Variants in SEC14L5 observed in about 807,000 individuals in gnomAD.
The protein encoded by SEC14L5 is SEC14-like protein 5.
SEC14L5 carries 96 observed loss-of-function variants against 84.6 expected under a neutral mutation model. The observed-to-expected ratio is 1.13, with a 90% CI of 0.96 to 1.34. The LOEUF is 1.34. Ranked by LOEUF, SEC14L5 falls within the 40% of genes most tolerant of loss-of-function variation. SEC14L5 has a pLI of 0.00. For synonymous variants in SEC14L5, 546 were observed against 383.4 expected (o/e 1.42, Z -4.95); for missense variants, 1,224 against 942.5 (o/e 1.30, Z -3.91).
chr16:4,959,825 C>T (rs1955097281), intron 2 of SEC14L5, among the ~76,000 whole-genome samples: 1 of 152,262 alleles, frequency 6.6e-6, no homozygotes, highest in Non-Finnish European at 1.5e-5. Context: ...CATGTAACCT[C>T]CATGAAACTG....
chr16:4,969,016 T>A (rs1051805872), intron 2 of SEC14L5, among the ~76,000 whole-genome samples: 1 of 152,252 alleles, frequency 6.6e-6, no homozygotes, highest in Admixed American at 6.5e-5. Flanking sequence ...ACGGAGGTAG[T>A]TTTAACAAAG....
intron 2 of SEC14L5, among the ~76,000 whole-genome samples, chr16:4,963,037 T>C (rs1955146059): frequency 1.3e-5 from 2 of 152,186 alleles, no homozygotes; most frequent in African/African-American, 4.8e-5. Flanking sequence ...TTTCACTGCA[T>C]CCGAGTGACC....
At position 5,008,558 on chromosome 16, in the gene SEC14L5, C is replaced by G. The variant is rs200042173; in HGVS notation, c.1710C>G (p.Ser570Arg). The change falls in exon 14 of 16, where the codon AGC becomes AGG. Residue 570 changes from serine to arginine, a missense_variant. Physicochemically the swap from Ser to Arg is moderately radical, Grantham distance 110. Coordinates refer to ENST00000251170, the MANE Select transcript of SEC14L5 (RefSeq NM_014692.2). ...CCCGGGAACCGGGGACCAGGGCCAG[C>G]GGGCAGCTGATCGACAAAGGCTGGG... ...LGAREPGTRASGQLIDKGWVL... is the reference protein window; with the variant it reads ...LGAREPGTRARGQLIDKGWVL... 1.4e-4 allele frequency: 228 copies of G among 1,608,258 alleles called. 1 individual carries two copies. The highest frequency in any genetic ancestry group is 1.3e-3 in the Middle Eastern group (8 of 5,970).
intron 10 of SEC14L5, among the ~76,000 whole-genome samples, chr16:5,001,470 A>C (rs1386543518): frequency 2.0e-5 from 3 of 152,088 alleles, no homozygotes; most frequent in Non-Finnish European, 4.4e-5. Context: ...TGTGTTAGCC[A>C]GAATGGTCTC....
chr16:5,014,527 C>A (rs1955848196), intron 15 of SEC14L5, among the ~76,000 whole-genome samples: 1 of 152,196 alleles, frequency 6.6e-6, no homozygotes, highest in Admixed American at 6.5e-5. Flanking sequence ...GGAGGAGGAC[C>A]ATGGAATTTG....
intron 2 of SEC14L5, among the ~76,000 whole-genome samples, chr16:4,968,464 C>T (rs1227768146): frequency 2.6e-5 from 4 of 152,204 alleles, no homozygotes; most frequent in Non-Finnish European, 4.4e-5. Context: ...CAGGCGTGGG[C>T]CACGGCGCCC....
intron 2 of SEC14L5, among the ~76,000 whole-genome samples, chr16:4,963,950 G>C (rs2142471041): frequency 6.6e-6 from 1 of 152,376 alleles, no homozygotes; most frequent in South Asian, 2.1e-4. Context: ...GCCTCCCAAA[G>C]GGCTGGGATT....
At position 5,018,755 on chromosome 16, in the gene SEC14L5, T is replaced by C. The variant is rs371480869; in HGVS notation, c.*3785T>C. 1 of 152,178 alleles carries C rather than the reference T, an allele frequency of 6.6e-6. No individual in the cohort carries two copies. Among genetic ancestry groups the C allele is most frequent in the Non-Finnish European group, 1.5e-5 (1 of 68,040 alleles). The allele number at this position is 152,178 out of a possible 1,614,324, so 9.4% of individuals were successfully genotyped here. On this transcript the variant is annotated 3_prime_UTR_variant, in exon 16 of 16. Coordinates refer to ENST00000251170, the MANE Select transcript of SEC14L5 (RefSeq NM_014692.2). ...GGTATTTCCCTTGGCAGTTAGAAAA[T>C]GTTTTTTCCCAGAGGTTGAAGTATG...
rs767906101 is a variant in SEC14L5, at chr16:5,005,944, C to T, written c.1333C>T (p.Arg445Trp). 1.1e-5 allele frequency: 18 copies of T among 1,607,996 alleles called. No individual in the cohort carries two copies. Among genetic ancestry groups the T allele is most frequent in the East Asian group, 2.2e-5 (1 of 44,736 alleles). The change falls in exon 12 of 16, where the codon CGG (arginine) becomes TGG (tryptophan). Residue 445 changes from arginine to tryptophan, a missense_variant. Transcript: ENST00000251170. ...ISPFINENTR[R>W]KFLIYSGSNY... ...CCCCTTCATCAATGAGAACACCAGG[C>T]GGAAGTTCCTCATCTACAGTGGCAG...
Position 5,003,424 on chromosome 16 carries a change from C to G in SEC14L5, c.1153C>G (p.Leu385Val). The G allele has an allele frequency of 6.2e-7, 1 of 1,613,330 alleles. No individual in the cohort carries two copies. Among genetic ancestry groups the G allele is most frequent in the Non-Finnish European group, 8.5e-7 (1 of 1,179,774 alleles). ...CAGCTCCTGGACCTGCCTGCTAGAC[C>G]TGGAGGGACTCAACATGCGGCACCT... ...PISSWTCLLD[L>V]EGLNMRHLWR... Residue 385 changes from leucine (L) to valine (V), a missense_variant, in exon 11 of 16, where the codon CTG becomes GTG. Physicochemically the swap from Leu to Val is conservative, Grantham distance 32 (BLOSUM62 1). Transcript: ENST00000251170.
At chr16:4,970,165 A>G (rs555066460) in intron 2 of SEC14L5, among the ~76,000 whole-genome samples, 4 of 151,822 alleles carry the variant, frequency 2.6e-5, no homozygotes, top group African/African-American at 4.8e-5. Flanking sequence ...AGCATAGTCT[A>G]TTGGGGGAGG....
Position 5,015,224 on chromosome 16 carries a change from G to T in SEC14L5, c.*254G>T. The T allele has an allele frequency of 3.9e-6, 2 of 515,434 alleles. No homozygotes were observed. The highest frequency in any genetic ancestry group is 6.3e-5 in the East Asian group (2 of 31,684). 31.9% of individuals were successfully genotyped at this position (515,434 alleles called of 1,614,324 possible). A position where few individuals can be genotyped will look rare whatever the true frequency, so the allele number is the denominator to read the frequency against. On this transcript the variant is annotated 3_prime_UTR_variant, in exon 16 of 16. Coordinates refer to ENST00000251170, the MANE Select transcript of SEC14L5 (RefSeq NM_014692.2). ...TAAGGAAGACCAAGCCAAGGCCAAG[G>T]TGTCTACCATACCACACCTTTGGGA...
chr16:4,991,672 G>A (rs952623778), intron 5 of SEC14L5, among the ~76,000 whole-genome samples, 166 bp from the exon 6 acceptor site: 2 of 152,180 alleles, frequency 1.3e-5, no homozygotes, highest in Non-Finnish European at 2.9e-5. Flanking sequence ...GGTGGGTGTT[G>A]GACACTCGCA....
At chr16:4,975,362 A>G (rs1460897960) in intron 2 of SEC14L5, among the ~76,000 whole-genome samples, 1 of 149,054 alleles carries the variant, frequency 6.7e-6, no homozygotes, top group African/African-American at 2.5e-5. Flanking sequence ...AGTCCCAGCT[A>G]CTTGGGAGGC....
intron 4 of SEC14L5, among the ~76,000 whole-genome samples, chr16:4,989,300 T>G (rs1257613835): frequency 4.1e-5 from 5 of 123,138 alleles, no homozygotes; most frequent in Admixed American, 2.6e-4. Flanking sequence ...TTGTACGTGT[T>G]TTTTTTTTTG....
At chr16:4,991,347 G>C (rs1955551777) in intron 5 of SEC14L5, among the ~76,000 whole-genome samples, 1 of 151,888 alleles carries the variant, frequency 6.6e-6, no homozygotes. Flanking sequence ...GCCCAGTTGA[G>C]CCCAGGAATT....
At chr16:5,007,262 G>C in intron 12 of SEC14L5, 90 bp from the exon 13 acceptor site, 2 of 1,268,328 alleles carry the variant, frequency 1.6e-6, no homozygotes, top group East Asian at 4.8e-5. Context: ...ATTATGAGTG[G>C]CTTTGGGGGT....
chr16:4,994,696 T>C lies in SEC14L5; in HGVS notation c.668-1652T>C, dbSNP rs554983470. Among the ~76,000 whole-genome samples, 317 of 151,830 alleles carry C rather than the reference T, an allele frequency of 2.1e-3. 1 individual carries two copies. The highest frequency in any genetic ancestry group is 3.9e-3 in the Non-Finnish European group (262 of 67,940). ...TGTATGTGCACATTTTTTTTTTTTT[T>C]ATAACAGCGCCCGCTCCTGCCCCCT... On this transcript the variant is annotated intron_variant, in intron 6 of 15. Coordinates refer to ENST00000251170, the MANE Select transcript of SEC14L5 (RefSeq NM_014692.2).
At chr16:4,981,584 C>A (rs941560725) in intron 2 of SEC14L5, among the ~76,000 whole-genome samples, 1 of 152,084 alleles carries the variant, frequency 6.6e-6, no homozygotes, top group Non-Finnish European at 1.5e-5. Context: ...GACCGCTTGG[C>A]CCGGGGGGAC....
Sources: allele counts gnomAD v4.1 joint callset (sites outside exome capture counted in the v4.1 genomes callset), GRCh38; gene constraint gnomAD v4.1.1; transcripts MANE v1.5; gene names NCBI Gene and HGNC (gene_info 2026-07-23, HGNC 2026-07-21).